UNC13C: variants seen among roughly 807,000 people sequenced by gnomAD.
The protein encoded by UNC13C is unc-13 homolog C.
A neutral mutation model predicts 245.4 loss-of-function variants in UNC13C; 174 were observed. The observed-to-expected ratio is 0.71, with a 90% CI of 0.63 to 0.80. UNC13C has a LOEUF of 0.80. Among genes scored for constraint, UNC13C ranks in the 30% least tolerant of loss-of-function variants. UNC13C has a pLI of 0.00. For synonymous variants in UNC13C, 992 were observed against 895.1 expected (o/e 1.11, Z -1.93); for missense variants, 2,829 against 2,602.9 (o/e 1.09, Z -1.89).
rs766676913 is a variant in UNC13C at position 54,293,971 on chromosome 15, C to A, written c.3895C>A (p.Gln1299Lys). 6.3e-6 allele frequency: 10 copies of A among 1,592,760 alleles called. No homozygotes were observed. The highest frequency in any genetic ancestry group is 8.5e-6 in the Non-Finnish European group (10 of 1,170,522). The change falls in exon 11 of 33, where the codon CAA becomes AAA. Residue 1299 changes from glutamine to lysine, a missense_variant. Transcript: ENST00000260323. Reference protein sequence around the residue: ...EDDDIKSRVKQHFKKESDDFL... With the variant: ...EDDDIKSRVKKHFKKESDDFL... The stretch of plus-strand genomic sequence containing the variant: ...TGATGATATTAAATCCAGAGTCAAG[C>A]AACATTTCAAAAAGGAGTCAGATGA...
chr15:54,042,196 C>T (rs1362497185), intron 2 of UNC13C, among the ~76,000 whole-genome samples: 1 of 152,152 alleles, frequency 6.6e-6, no homozygotes, highest in Non-Finnish European at 1.5e-5. Flanking sequence ...TATCACAATA[C>T]TTCAGAATCA....
the UNC13C span, among the ~76,000 whole-genome samples, chr15:53,841,458 T>C: frequency 1.3e-5 from 2 of 152,148 alleles, no homozygotes; most frequent in African/African-American, 4.8e-5. Context: ...TTACTGAATA[T>C]CTTCTTTCTC....
intron 2 of UNC13C, among the ~76,000 whole-genome samples, chr15:54,122,307 C>G (rs888987700): frequency 4.6e-5 from 7 of 151,884 alleles, no homozygotes; most frequent in African/African-American, 1.7e-4. Context: ...TTCTTAGTTT[C>G]TTAAAATGCT....
chr15:54,392,732 T>C (rs1359817020), intron 17 of UNC13C, among the ~76,000 whole-genome samples: 1 of 151,168 alleles, frequency 6.6e-6, no homozygotes, highest in African/African-American at 2.5e-5. Flanking sequence ...ATAATAATAA[T>C]TCTTAAGGTC....
chr15:54,219,669 A>G (rs1200073411), intron 4 of UNC13C, among the ~76,000 whole-genome samples: 1 of 151,708 alleles, frequency 6.6e-6, no homozygotes, highest in African/African-American at 2.4e-5. Flanking sequence ...GGCAACCTAC[A>G]AAATGGGAGA....
intron 2 of UNC13C, among the ~76,000 whole-genome samples, chr15:54,097,056 A>G (rs958551705): frequency 3.3e-5 from 5 of 152,186 alleles, no homozygotes; most frequent in African/African-American, 1.2e-4. Context: ...AAGTCTCAGG[A>G]TACAGCCTTT....
intron 19 of UNC13C, among the ~76,000 whole-genome samples, chr15:54,478,963 A>T (rs937152793): frequency 1.3e-5 from 2 of 151,698 alleles, no homozygotes; most frequent in Admixed American, 1.3e-4. Context: ...TTTGTAGGTC[A>T]TTCAGGACTT....
intron 2 of UNC13C, among the ~76,000 whole-genome samples, chr15:54,100,844 T>G (rs1157638023): frequency 1.3e-5 from 2 of 152,098 alleles, no homozygotes; most frequent in Non-Finnish European, 2.9e-5. Flanking sequence ...AGCTTCTCCC[T>G]GCTTCATTCT....
the UNC13C span, among the ~76,000 whole-genome samples, chr15:53,885,147 C>T: frequency 2.6e-5 from 4 of 152,328 alleles, no homozygotes; most frequent in East Asian, 1.9e-4. Context: ...CAAAGTAGGG[C>T]GCCTTGTCAG....
At chr15:54,115,212 C>A (rs185041363) in intron 2 of UNC13C, among the ~76,000 whole-genome samples, 1 of 152,186 alleles carries the variant, frequency 6.6e-6, no homozygotes, top group Admixed American at 6.5e-5. Context: ...CATATACTTA[C>A]ATATTTCCTA....
At chr15:54,105,026 G>C (rs757962721) in intron 2 of UNC13C, among the ~76,000 whole-genome samples, 2 of 152,136 alleles carry the variant, frequency 1.3e-5, no homozygotes, top group African/African-American at 4.8e-5. Flanking sequence ...TTTGTCTGGA[G>C]GAAAAGCCCC....
intron 18 of UNC13C, among the ~76,000 whole-genome samples, chr15:54,407,490 T>C (rs2040320591): frequency 1.3e-5 from 2 of 152,128 alleles, no homozygotes; most frequent in South Asian, 2.1e-4. Flanking sequence ...AAAAGTACCA[T>C]AGAGTGGAGG....
intron 16 of UNC13C, 39 bp from the exon 17 acceptor site, chr15:54,338,322 A>T: frequency 1.3e-6 from 2 of 1,596,918 alleles, no homozygotes; most frequent in African/African-American, 1.3e-5. Flanking sequence ...ACAATGTGTC[A>T]CTGTTGCATT....
chr15:54,552,921 G>T (rs183209661), intron 28 of UNC13C, among the ~76,000 whole-genome samples: 1 of 3,470 alleles, frequency 2.9e-4, no homozygotes, highest in Admixed American at 2.9e-3. Context: ...AATATATATT[G>T]TATTCTATAT....
intron 2 of UNC13C, among the ~76,000 whole-genome samples, chr15:54,136,502 ACTT>A (rs1166888423): frequency 2.6e-5 from 4 of 151,986 alleles, no homozygotes; most frequent in Non-Finnish European, 5.9e-5. Flanking sequence ...GAAACGATTT[ACTT>A]CTTCATTTTT....
intron 18 of UNC13C, among the ~76,000 whole-genome samples, chr15:54,395,009 A>C (rs1381275521): frequency 6.6e-6 from 1 of 151,372 alleles, no homozygotes; most frequent in Admixed American, 6.6e-5. Context: ...TGTTTTTTTC[A>C]ATTTTGTTTT....
intron 17 of UNC13C, among the ~76,000 whole-genome samples, chr15:54,390,168 T>C (rs2039924563): frequency 1.3e-5 from 2 of 152,250 alleles, no homozygotes; most frequent in African/African-American, 4.8e-5. Context: ...TTTAAAAGTA[T>C]TGTATAAGTT....
At chr15:54,537,585 A>G (rs1490862840) in intron 26 of UNC13C, among the ~76,000 whole-genome samples, 3 of 152,140 alleles carry the variant, frequency 2.0e-5, no homozygotes, top group Non-Finnish European at 2.9e-5. Context: ...TTCAAACTAT[A>G]CCATAAAGCT....
At chr15:53,897,747 C>A in the UNC13C span, among the ~76,000 whole-genome samples, 1 of 152,148 alleles carries the variant, frequency 6.6e-6, no homozygotes, top group East Asian at 1.9e-4. Flanking sequence ...TACGTAGACC[C>A]CTTTCTTGGA....
Sources: allele counts gnomAD v4.1 joint callset (sites outside exome capture counted in the v4.1 genomes callset), GRCh38; gene constraint gnomAD v4.1.1; transcripts MANE v1.5; gene names NCBI Gene and HGNC (gene_info 2026-07-23, HGNC 2026-07-21).